The following LCP1 variants were observed in gnomAD, a reference collection of about 807,000 sequenced individuals.
LCP1 encodes plastin-2.
A neutral mutation model predicts 72.0 loss-of-function variants in LCP1; 23 were observed. The observed-to-expected ratio is 0.32, with a 90% CI of 0.23 to 0.45. LCP1 has a LOEUF of 0.45. LCP1 is among the 20% of genes least tolerant of loss of function. LCP1 has a pLI of 1.00. For synonymous variants in LCP1, 245 were observed against 275.4 expected (o/e 0.89, Z 1.09); for missense variants, 571 against 748.3 (o/e 0.76, Z 2.76).
intron 1 of LCP1, among the ~76,000 whole-genome samples, chr13:46,164,577 C>G (rs766364797): frequency 3.8e-4 from 58 of 152,106 alleles, no homozygotes; most frequent in Non-Finnish European, 6.8e-4. Flanking sequence ...GATTTAACAG[C>G]AAATGCAAAA....
chr13:46,148,555 T>G, intron 8 of LCP1, 108 bp from the exon 9 acceptor site: 1 of 707,304 alleles, frequency 1.4e-6, no homozygotes, highest in Non-Finnish European at 2.3e-6. Context: ...TCAGCTATCA[T>G]TCCAGAATGT....
chr13:46,173,870 G>A (rs1368970216), intron 1 of LCP1, among the ~76,000 whole-genome samples: 1 of 152,118 alleles, frequency 6.6e-6, no homozygotes, highest in African/African-American at 2.4e-5. Flanking sequence ...GGCCAGAGTG[G>A]AAAAATGTAC....
At chr13:46,144,081 T>C (rs1317238542) in intron 11 of LCP1, among the ~76,000 whole-genome samples, 2 of 151,660 alleles carry the variant, frequency 1.3e-5, no homozygotes, top group African/African-American at 2.4e-5. Context: ...AAAAGAAATA[T>C]TGAAAAAAAA....
intron 1 of LCP1, among the ~76,000 whole-genome samples, chr13:46,170,708 T>A (rs570749147): frequency 6.6e-6 from 1 of 152,312 alleles, no homozygotes; most frequent in Admixed American, 6.5e-5. Context: ...ACTAAAAAAA[T>A]TCATACATTT....
At chr13:46,180,351 T>C (rs2045950592) in intron 1 of LCP1, among the ~76,000 whole-genome samples, 1 of 152,226 alleles carries the variant, frequency 6.6e-6, no homozygotes, top group Non-Finnish European at 1.5e-5. Context: ...TAAATGGTAC[T>C]TTAACAACAA....
chr13:46,143,921 C>A (rs145222174), intron 11 of LCP1, among the ~76,000 whole-genome samples: 2 of 152,086 alleles, frequency 1.3e-5, no homozygotes, highest in Non-Finnish European at 2.9e-5. Context: ...AAAAAATTAG[C>A]CAGGCATGGT....
Position 46,126,252 on chromosome 13 carries a change from T to C in LCP1, c.*1339A>G, listed in dbSNP as rs574308661. ...TCATTGATGGAGCTTTTCACCATGA[T>C]AGAGGGCGTCTTGCATTGGTTCACA... On this transcript the variant is annotated 3_prime_UTR_variant, in exon 16 of 16. Transcript: ENST00000323076. 2 of 227,034 alleles carry C rather than the reference T, an allele frequency of 8.8e-6. No individual in the cohort carries two copies. The highest frequency in any genetic ancestry group is 1.8e-4 in the South Asian group (1 of 5,488). 14.1% of individuals were successfully genotyped at this position (227,034 alleles called of 1,614,324 possible).
chr13:46,178,639 G>C (rs959999150), intron 1 of LCP1, among the ~76,000 whole-genome samples: 1 of 152,102 alleles, frequency 6.6e-6, no homozygotes, highest in Admixed American at 6.5e-5. Context: ...TTTATATTTT[G>C]ATGTGTCCTA....
intron 13 of LCP1, among the ~76,000 whole-genome samples, chr13:46,140,610 T>C (rs1479685495): frequency 6.6e-6 from 1 of 152,182 alleles, no homozygotes; most frequent in Admixed American, 6.5e-5. Flanking sequence ...ATTTGACATA[T>C]AATTAAAAAA....
chr13:46,178,837 A>G (rs1227916553), intron 1 of LCP1, among the ~76,000 whole-genome samples: 1 of 152,218 alleles, frequency 6.6e-6, no homozygotes, highest in East Asian at 1.9e-4. Flanking sequence ...ATCTTATTTT[A>G]TAAGTGTTTG....
At chr13:46,154,739 T>C (rs1459135883) in intron 6 of LCP1, 66 bp downstream of exon 6, 1 of 1,333,588 alleles carries the variant, frequency 7.5e-7, no homozygotes, top group African/African-American at 1.5e-5. Flanking sequence ...AAAGGCGGAC[T>C]CAGCAGTTAT....
rs142279735 is a variant in LCP1 at position 46,126,632 on chromosome 13, C to T, written c.*959G>A. ...AAGCAAAAGCAAGGTAGGATTGCCT[C>T]CAAATGTTGACAGGTATTAGCCATA... On this transcript the variant is annotated 3_prime_UTR_variant, in exon 16 of 16. Transcript: ENST00000323076. 3.0e-5 allele frequency: 7 copies of T among 231,868 alleles called. No homozygotes were observed. Among genetic ancestry groups the T allele is most frequent in the African/African-American group, 1.1e-4 (5 of 45,362 alleles). The allele number at this position is 231,868 out of a possible 1,614,324, so 14.4% of individuals were successfully genotyped here. A position where few individuals can be genotyped will look rare whatever the true frequency, so the allele number is the denominator to read the frequency against.
chr13:46,128,584 T>C lies in LCP1; in HGVS notation c.1752-861A>G, dbSNP rs1018068949. The stretch of plus-strand genomic sequence containing the variant: ...CTGTAGTCCAGCCTGGGCAACAAAG[T>C]GAGACTCCGTCTCAGAAAAAAAAAA... On this transcript the variant is annotated intron_variant, in intron 15 of 15. Coordinates refer to ENST00000323076, the MANE Select transcript of LCP1 (RefSeq NM_002298.5). 9.2e-5 allele frequency among the ~76,000 whole-genome samples: 14 copies of C among 151,828 alleles called. No homozygotes were observed. In the East Asian group the frequency reaches 2.3e-3, roughly 25 times the overall value.
intron 8 of LCP1, among the ~76,000 whole-genome samples, chr13:46,150,554 C>T (rs573658279): frequency 6.6e-6 from 1 of 152,140 alleles, no homozygotes; most frequent in Non-Finnish European, 1.5e-5. Context: ...CTAGAAGAGT[C>T]ATCTTCATTT....
chr13:46,140,734 G>A (rs2045692344), intron 13 of LCP1, among the ~76,000 whole-genome samples: 1 of 152,074 alleles, frequency 6.6e-6, no homozygotes, highest in African/African-American at 2.4e-5. Context: ...GTTCAAGAAG[G>A]TAAAGGAAAG....
At position 46,155,418 on chromosome 13, in the gene LCP1, T is replaced by C. The variant is rs570460984; in HGVS notation, c.492-532A>G. ...GGTCTTAGAAGGTAAAACTAGCAGA[T>C]TGGGGGAAGACCATGGGGTGCCTTG... On this transcript the variant is annotated intron_variant, in intron 5 of 15. Coordinates refer to ENST00000323076, the MANE Select transcript of LCP1 (RefSeq NM_002298.5). Among the ~76,000 whole-genome samples the C allele has an allele frequency of 7.2e-5, 11 of 152,290 alleles. No homozygotes were observed. The South Asian group carries it at 1.2e-3, about 17-fold the overall frequency.
rs777737175 is a variant in LCP1 at position 46,152,865 on chromosome 13, C to T, written c.654G>A (p.Glu218=). 4.3e-6 allele frequency: 7 copies of T among 1,614,022 alleles called. No individual in the cohort carries two copies. The East Asian group carries it at 8.9e-5, about 21-fold the overall frequency. ...VVNIGAEDLK[E]GKPYLVLGLL... ...GTCCCAGGACCAGATAAGGCTTCCC[C>T]TCCTTCAGGTCCTCAGCCCCTATGT... Residue 218 remains glutamate (E), a synonymous_variant, in exon 7 of 16, where the codon GAG becomes GAA. Transcript: ENST00000323076.
chr13:46,163,483 G>A (rs2138270389), intron 1 of LCP1, among the ~76,000 whole-genome samples: 1 of 152,248 alleles, frequency 6.6e-6, no homozygotes, highest in Middle Eastern at 3.4e-3. Context: ...CAAGTACCCA[G>A]GGACACAAAC....
intron 9 of LCP1, among the ~76,000 whole-genome samples, chr13:46,147,390 A>G (rs1346929850): frequency 6.6e-6 from 1 of 152,260 alleles, no homozygotes; most frequent in Non-Finnish European, 1.5e-5. Flanking sequence ...GTAGATTCTG[A>G]AAACTGATCA....
Sources: allele counts gnomAD v4.1 joint callset (sites outside exome capture counted in the v4.1 genomes callset), GRCh38; gene constraint gnomAD v4.1.1; transcripts MANE v1.5; gene names NCBI Gene and HGNC (gene_info 2026-07-23, HGNC 2026-07-21).